Variants in RPH3A observed in about 807,000 individuals in gnomAD.
RPH3A encodes rabphilin-3A.
In RPH3A, 48 loss-of-function variants were observed where a neutral mutation model predicts 102.2. The observed-to-expected ratio is 0.47, with a 90% CI of 0.37 to 0.60. The LOEUF is 0.60. RPH3A is among the 20% of genes least tolerant of loss of function. The pLI is 0.00. For synonymous variants in RPH3A, 310 were observed against 324.3 expected, an observed-to-expected ratio of 0.96 and a Z score of 0.47; for missense variants, 781 against 910.1, an observed-to-expected ratio of 0.86 and a Z score of 1.83.
intron 1 of RPH3A, among the ~76,000 whole-genome samples, chr12:112,644,627 A>G (rs1219399528): frequency 6.6e-6 from 1 of 152,230 alleles, no homozygotes; most frequent in African/African-American, 2.4e-5. Flanking sequence ...TTGAGCACGT[A>G]CTATATGCCA....
At chr12:112,884,079 C>T (rs927302755) in intron 16 of RPH3A, among the ~76,000 whole-genome samples, 6 of 152,040 alleles carry the variant, frequency 3.9e-5, no homozygotes, top group African/African-American at 1.4e-4. Context: ...CATGAAAAGA[C>T]ATTTAAATCT....
chr12:112,678,303 A>AAG lies in RPH3A; in HGVS notation c.-140+102998_-140+102999dup, dbSNP rs772237822. Among the ~76,000 whole-genome samples, 28 of 50,196 alleles carry AAG rather than the reference A, an allele frequency of 5.6e-4. 6 individuals are homozygous for AAG. In the East Asian group the frequency reaches 8.6e-3, roughly 15 times the overall value. The allele number at this position is 50,196 out of a possible 152,430, so 32.9% of individuals were successfully genotyped here. A position where few individuals can be genotyped will look rare whatever the true frequency, so the allele number is the denominator to read the frequency against. ...AAAGAAAGAAAGAAAGAAAGAAAGA[A>AAG]AGAGAGAGAGAGAGAAAGAAAGAAA... On this transcript the variant is annotated intron_variant, in intron 1 of 21. Transcript: ENST00000543106.
chr12:112,647,643 G>A (rs926812196), intron 1 of RPH3A, among the ~76,000 whole-genome samples: 4 of 151,900 alleles, frequency 2.6e-5, no homozygotes, highest in African/African-American at 9.7e-5. Context: ...AGGTTGGATG[G>A]TCAGGAATGG....
intron 5 of RPH3A, among the ~76,000 whole-genome samples, chr12:112,862,842 G>A (rs941004630): frequency 6.6e-6 from 1 of 152,246 alleles, no homozygotes; most frequent in Non-Finnish European, 1.5e-5. Flanking sequence ...AACGAGGGCC[G>A]TGGGGAGAGT....
At chr12:112,705,042 G>T (rs945526344) in intron 1 of RPH3A, among the ~76,000 whole-genome samples, 1 of 152,190 alleles carries the variant, frequency 6.6e-6, no homozygotes, top group Non-Finnish European at 1.5e-5. Context: ...CTGGTATGGA[G>T]GCTCTATGTG....
chr12:112,607,992 G>C (rs969135228), intron 1 of RPH3A, among the ~76,000 whole-genome samples: 2 of 152,106 alleles, frequency 1.3e-5, no homozygotes, highest in African/African-American at 4.8e-5. Flanking sequence ...AACTTTCCTG[G>C]AAAGCCAAAG....
Position 112,791,812 on chromosome 12 carries a change from C to G in RPH3A, c.-340C>G, listed in dbSNP as rs555379164. 57 of 143,570 alleles carry G rather than the reference C, an allele frequency of 4.0e-4. No homozygotes were observed. The highest frequency in any genetic ancestry group is 1.4e-3 in the African/African-American group (55 of 38,668). 8.9% of individuals were successfully genotyped at this position (143,570 alleles called of 1,614,324 possible). Reference sequence around the variant, plus strand: ...ACTGGCTCTGGGGAAGCAATTGATTCGTCTACTGCCAGCAGCCCGGAGTTG... The same window carrying G: ...ACTGGCTCTGGGGAAGCAATTGATTGGTCTACTGCCAGCAGCCCGGAGTTG... On this transcript the variant is annotated 5_prime_UTR_variant, in exon 1 of 22. Transcript: ENST00000389385.
At chr12:112,584,580 T>A (rs1356617022) in intron 1 of RPH3A, among the ~76,000 whole-genome samples, 1 of 152,146 alleles carries the variant, frequency 6.6e-6, no homozygotes, top group Non-Finnish European at 1.5e-5. Flanking sequence ...CAGGCGTCAT[T>A]CCTGGGCGTG....
intron 1 of RPH3A, among the ~76,000 whole-genome samples, chr12:112,619,022 T>C (rs79775714): frequency 0.039 from 5,901 of 152,324 alleles, 227 homozygotes; most frequent in African/African-American, 0.093. Flanking sequence ...TGTTAAAGCA[T>C]GAATCGGTGC....
At chr12:112,611,829 G>GA (rs201427425) in intron 1 of RPH3A, among the ~76,000 whole-genome samples, 12,530 of 141,912 alleles carry the variant, frequency 0.088, 833 homozygotes, top group South Asian at 0.18. Flanking sequence ...TAGCCAGCAA[G>GA]AAAAAAAAAA....
chr12:112,622,062 C>T (rs1405975075), intron 1 of RPH3A, among the ~76,000 whole-genome samples: 2 of 150,142 alleles, frequency 1.3e-5, no homozygotes, highest in African/African-American at 5.0e-5. Flanking sequence ...ATCTGTACAT[C>T]ACCATCATCA....
chr12:112,576,854 T>C (rs565241848), intron 1 of RPH3A, among the ~76,000 whole-genome samples: 3 of 151,032 alleles, frequency 2.0e-5, no homozygotes, highest in Admixed American at 2.0e-4. Flanking sequence ...TTTTTTTTTT[T>C]AAATTATTGT....
At chr12:112,667,651 A>G (rs1210667848) in intron 1 of RPH3A, among the ~76,000 whole-genome samples, 2 of 144,156 alleles carry the variant, frequency 1.4e-5, no homozygotes, top group African/African-American at 2.6e-5. Flanking sequence ...ATTCATGGGC[A>G]GAGATGAATA....
upstream of RPH3A, among the ~76,000 whole-genome samples, chr12:112,790,704 T>C (rs572811193): frequency 1.3e-5 from 2 of 152,234 alleles, no homozygotes; most frequent in African/African-American, 4.8e-5. Flanking sequence ...ATTGTCCATA[T>C]AGTGAATTCA....
chr12:112,839,065 G>A (rs1399600091), intron 4 of RPH3A, among the ~76,000 whole-genome samples: 1 of 143,552 alleles, frequency 7.0e-6, no homozygotes, highest in Non-Finnish European at 1.5e-5. Flanking sequence ...GTGAGTCTCA[G>A]GCATCTGGGA....
chr12:112,669,987 A>G (rs990274634), intron 1 of RPH3A, among the ~76,000 whole-genome samples: 2 of 152,330 alleles, frequency 1.3e-5, no homozygotes, highest in East Asian at 1.9e-4. Flanking sequence ...ACTATAAACA[A>G]TGTTATAGTG....
chr12:112,582,614 CT>C lies in RPH3A; in HGVS notation c.-140+7313del, dbSNP rs1263270263. Reference sequence around the variant, plus strand: ...GGCGTGTACCACCATGTCCAGCTAGCTTTTTTTTTTTTTTTTTTGGTATTTT... The same window carrying C: ...GGCGTGTACCACCATGTCCAGCTAGCTTTTTTTTTTTTTTTTTGGTATTTT... On this transcript the variant is annotated intron_variant, in intron 1 of 21. Coordinates refer to the RPH3A transcript ENST00000543106. 3.4e-3 allele frequency among the ~76,000 whole-genome samples: 392 copies of C among 116,302 alleles called. 11 individuals carry two copies. The highest frequency in any genetic ancestry group is 4.0e-3 in the African/African-American group (122 of 30,424). 76.3% of individuals were successfully genotyped at this position (116,302 alleles called of 152,430 possible).
chr12:112,659,901 A>C lies in RPH3A; in HGVS notation c.-140+84582A>C, dbSNP rs537934283. Among the ~76,000 whole-genome samples the C allele has an allele frequency of 5.3e-5, 8 of 152,150 alleles. No homozygotes were observed. In the East Asian group the frequency reaches 1.5e-3, roughly 29 times the overall value. ...ACAGGATACTCCAGTTTCATCTTGC[A>C]CTTTTCTTGCTCCAGCCCTGCTATC... On this transcript the variant is annotated intron_variant, in intron 1 of 21. Coordinates refer to the RPH3A transcript ENST00000543106.
intron 1 of RPH3A, among the ~76,000 whole-genome samples, chr12:112,743,410 G>C (rs1592975325): frequency 6.6e-6 from 1 of 152,186 alleles, no homozygotes; most frequent in Non-Finnish European, 1.5e-5. Flanking sequence ...CCATCAGAGA[G>C]ATGCAGGGGT....
Sources: allele counts gnomAD v4.1 joint callset (sites outside exome capture counted in the v4.1 genomes callset), GRCh38; gene constraint gnomAD v4.1.1; transcripts MANE v1.5; gene names NCBI Gene and HGNC (gene_info 2026-07-23, HGNC 2026-07-21).